The following DMXL1 variants were observed in gnomAD, a reference collection of about 807,000 sequenced individuals.
DMXL1 encodes the protein Dmx like 1.
A neutral mutation model predicts 319.2 loss-of-function variants in DMXL1; 99 were observed. That is an observed-to-expected ratio of 0.31 (90% confidence interval 0.26 to 0.37). The LOEUF (loss-of-function observed/expected upper bound fraction) is 0.37. DMXL1 is among the 10% of genes least tolerant of loss of function. The pLI, the probability that DMXL1 is intolerant of heterozygous loss-of-function variation, is 1.00. For missense variants in DMXL1, 3,745 were observed against 3,595.6 expected (o/e 1.04, Z -1.06); for synonymous variants, 1,385 against 1,235.2 (o/e 1.12, Z -2.54).
At chr5:119,080,438 C>T (rs1193723464) in intron 1 of DMXL1, among the ~76,000 whole-genome samples, 5 of 152,090 alleles carry the variant, frequency 3.3e-5, no homozygotes, top group Non-Finnish European at 5.9e-5. Flanking sequence ...TTGTTTTGTT[C>T]GTCCTCCTGT....
chr5:119,105,105 A>G lies in DMXL1; in HGVS notation c.286-75A>G, dbSNP rs1381158722. 1.2e-5 allele frequency: 11 copies of G among 937,910 alleles called. No individual in the cohort carries two copies. In the East Asian group the frequency reaches 2.7e-4, roughly 23 times the overall value. 58.1% of individuals were successfully genotyped at this position (937,910 alleles called of 1,614,324 possible). A position where few individuals can be genotyped will look rare whatever the true frequency, so the allele number is the denominator to read the frequency against. The stretch of plus-strand genomic sequence containing the variant: ...GACTGCCTGTGTTATTGTAAGAATA[A>G]CAAGCATAAACGTACACATTTGACA... On this transcript the variant is annotated intron_variant, in intron 3 of 43. Coordinates refer to ENST00000539542, the MANE Select transcript of DMXL1 (RefSeq NM_001290321.3).
intron 13 of DMXL1, among the ~76,000 whole-genome samples, chr5:119,135,250 G>A (rs1281126783): frequency 6.6e-6 from 1 of 152,004 alleles, no homozygotes; most frequent in African/African-American, 2.4e-5. Flanking sequence ...GTAAAAATTT[G>A]TATCATAGAG....
At chr5:119,175,769 T>C (rs1226885500) in intron 26 of DMXL1, among the ~76,000 whole-genome samples, 1 of 152,096 alleles carries the variant, frequency 6.6e-6, no homozygotes, top group African/African-American at 2.4e-5. Context: ...TAACTTGGAA[T>C]TGAGAAAAAT....
chr5:119,247,234 G>A lies in DMXL1; in HGVS notation c.*15G>A. ...TTATGCTATAACATTTTTACAATAA[G>A]ATGTACAATTTATTACCTATATGGA... On this transcript the variant is annotated 3_prime_UTR_variant, in exon 44 of 44. Coordinates refer to ENST00000539542, the MANE Select transcript of DMXL1 (RefSeq NM_001290321.3). 1 of 1,575,692 alleles carries A rather than the reference G, an allele frequency of 6.3e-7. No homozygotes were observed. Among genetic ancestry groups the A allele is most frequent in the Non-Finnish European group, 8.7e-7 (1 of 1,147,456 alleles).
chr5:119,190,590 A>G (rs1778537649), intron 29 of DMXL1, among the ~76,000 whole-genome samples: 1 of 152,220 alleles, frequency 6.6e-6, no homozygotes, highest in Admixed American at 6.5e-5. Context: ...GAAATGGCCA[A>G]CTAAGATGAA....
chr5:119,174,781 CCTTTCT>C (rs78580017), intron 25 of DMXL1, among the ~76,000 whole-genome samples: 9,943 of 152,200 alleles, frequency 0.065, 668 homozygotes, highest in East Asian at 0.36. Flanking sequence ...TACCTTATAT[CCTTTCT>C]CTTTCTCTTT....
rs752701718 is a variant in DMXL1, at chr5:119,170,507, CCTT to C, written c.5722_5724del (p.Ser1908del). 88 of 1,613,490 alleles carry C rather than the reference CCTT, an allele frequency of 5.5e-5. 2 individuals carry two copies. The South Asian group carries it at 6.8e-4, about 12-fold the overall frequency. ...TCTGGATACTAGTAAAGACTGTTCT[CCTT>C]CTTCTCCATTAAAGTTGGATGCAAG... is the stretch of plus-strand genomic sequence containing the variant. On this transcript the variant is annotated inframe_deletion, in exon 24 of 44. Coordinates refer to ENST00000539542, the MANE Select transcript of DMXL1 (RefSeq NM_001290321.3).
chr5:119,142,841 G>C (rs1489347521), intron 13 of DMXL1, among the ~76,000 whole-genome samples: 1 of 152,088 alleles, frequency 6.6e-6, no homozygotes, highest in Non-Finnish European at 1.5e-5. Flanking sequence ...ACACATGATG[G>C]AATACTGTGC....
rs983668020 is a variant in DMXL1 at position 119,071,488 on chromosome 5, C to T, written c.-82C>T. 1.0e-5 allele frequency: 14 copies of T among 1,404,628 alleles called. No individual in the cohort carries two copies. The highest frequency in any genetic ancestry group is 5.9e-5 in the Admixed American group (3 of 50,762). The allele number at this position is 1,404,628 out of a possible 1,614,324, so 87.0% of individuals were successfully genotyped here. On this transcript the variant is annotated 5_prime_UTR_variant, in exon 1 of 44. Transcript: ENST00000539542. ...CGCCACCGAAGAGCGGCCGCCGCCC[C>T]TGAGGGAAGGAGGGAGGGAAGCAGC...
At chr5:119,086,041 AGACT>A (rs1006411877) in intron 1 of DMXL1, among the ~76,000 whole-genome samples, 18 of 152,344 alleles carry the variant, frequency 1.2e-4, no homozygotes, top group Admixed American at 1.2e-3. Flanking sequence ...GACATACCCA[AGACT>A]GAGCAAGTTA....
intron 1 of DMXL1, among the ~76,000 whole-genome samples, chr5:119,090,708 G>A (rs994736100): frequency 2.0e-4 from 31 of 151,532 alleles, no homozygotes; most frequent in South Asian, 4.2e-4. Flanking sequence ...GATTACCGGC[G>A]CCTGCTACCA....
rs1773503762 is a variant in DMXL1, at chr5:119,166,651, G to C, written c.5006G>C (p.Gly1669Ala). The stretch of plus-strand genomic sequence containing the variant: ...AACACCAGGATGACACAGTTTTTTG[G>C]ACACAATTTTGAGGATGAGAGGTGG... ...EKNTRMTQFF[G>A]HNFEDERWRK... The change falls in exon 22 of 44, where the codon GGA becomes GCA. Residue 1669 changes from glycine (G) to alanine (A), a missense_variant. Transcript: ENST00000539542. 3 of 1,608,484 alleles carry C rather than the reference G, an allele frequency of 1.9e-6. No individual in the cohort carries two copies. Among genetic ancestry groups the C allele is most frequent in the Middle Eastern group, 1.7e-4 (1 of 6,044 alleles).
intron 1 of DMXL1, among the ~76,000 whole-genome samples, chr5:119,087,818 T>C (rs2149722034): frequency 6.6e-6 from 1 of 152,308 alleles, no homozygotes; most frequent in East Asian, 1.9e-4. Flanking sequence ...TATTTTTTTT[T>C]TGAGACAGAG....
chr5:119,197,714 T>A, intron 31 of DMXL1, 41 bp from the exon 32 acceptor site: 1 of 1,583,692 alleles, frequency 6.3e-7, no homozygotes, highest in Non-Finnish European at 8.7e-7. Context: ...ATATGGCATT[T>A]TACTGCATAA....
intron 32 of DMXL1, among the ~76,000 whole-genome samples, chr5:119,201,610 T>C (rs1780726833): frequency 6.6e-6 from 1 of 152,212 alleles, no homozygotes; most frequent in South Asian, 2.1e-4. Context: ...GAGTTCCACC[T>C]CCTCAGTTTT....
At chr5:119,175,155 C>A in intron 25 of DMXL1, 106 bp from the exon 26 acceptor site, 2 of 719,538 alleles carry the variant, frequency 2.8e-6, no homozygotes, top group Non-Finnish European at 2.2e-6. Flanking sequence ...GGCAAAGAAT[C>A]AAAAATTTTT....
chr5:119,220,435 T>C (rs1288690936), intron 35 of DMXL1, 37 bp from the exon 36 acceptor site: 19 of 1,604,636 alleles, frequency 1.2e-5, no homozygotes, highest in Admixed American at 1.7e-5. Context: ...CTCTTTTGCC[T>C]ATTGCTTTTA....
chr5:119,224,893 C>G (rs1785258885), intron 38 of DMXL1, 124 bp downstream of exon 38: 4 of 400,710 alleles, frequency 1.0e-5, no homozygotes, highest in Non-Finnish European at 1.8e-5. Flanking sequence ...GACTTTTTTT[C>G]TAGCGAATAT....
rs1241872298 is a variant in DMXL1, at chr5:119,247,924, A to T, written c.*705A>T. On this transcript the variant is annotated 3_prime_UTR_variant, in exon 44 of 44. Transcript: ENST00000539542. ...CATAACAACTATTGCCACCAGAATA[A>T]CTTTTTTTTTGCAACTGTGCTTTTC... The T allele has an allele frequency of 9.7e-5, 2 of 20,606 alleles. No homozygotes were observed. Among genetic ancestry groups the T allele is most frequent in the Non-Finnish European group, 2.7e-4 (2 of 7,544 alleles). The allele number at this position is 20,606 out of a possible 1,614,324, so 1.3% of individuals were successfully genotyped here.
Sources: allele counts gnomAD v4.1 joint callset (sites outside exome capture counted in the v4.1 genomes callset), GRCh38; gene constraint gnomAD v4.1.1; transcripts MANE v1.5; gene names NCBI Gene and HGNC (gene_info 2026-07-23, HGNC 2026-07-21).